PES1: variants seen among roughly 807,000 people sequenced by gnomAD.
PES1 encodes the protein pescadillo homolog.
A neutral mutation model predicts 77.1 loss-of-function variants in PES1; 31 were observed. The observed-to-expected ratio is 0.40, with a 90% CI of 0.30 to 0.54. PES1 has a LOEUF of 0.54. Ranked by LOEUF, PES1 falls within the 20% of genes least tolerant of loss-of-function variation. PES1 has a pLI of 0.45. For synonymous variants in PES1, 282 were observed against 303.0 expected (o/e 0.93, Z 0.72); for missense variants, 658 against 771.7 (o/e 0.85, Z 1.75).
In PES1 at chr22:30,598,912, T is replaced by TTTTTTTTTTTTTTTTTTTA. The variant is rs761643665; in HGVS notation, c.-660-6515_-660-6514insTAAAAAAAAAAAAAAAAAA. Among the ~76,000 whole-genome samples the TTTTTTTTTTTTTTTTTTTA allele has an allele frequency of 4.3e-5, 5 of 116,428 alleles. 1 individual carries two copies. The highest frequency in any genetic ancestry group is 8.7e-5 in the Non-Finnish European group (5 of 57,784). 76.4% of individuals were successfully genotyped at this position (116,428 alleles called of 152,430 possible). A position where few individuals can be genotyped will look rare whatever the true frequency, so the allele number is the denominator to read the frequency against. On this transcript the variant is annotated intron_variant, in intron 2 of 16. Coordinates refer to the PES1 transcript ENST00000402281. ...TTTTTTTTTTTTTTTTTTTTTTTTT[T>TTTTTTTTTTTTTTTTTTTA]TTGAGATGGAGTCCTGCTCTGTCAT...
rs1361185078 is a variant in PES1 at position 30,580,719 on chromosome 22, A to T, written c.913-18T>A. 6.2e-7 allele frequency: 1 copy of T among 1,612,458 alleles called. No homozygotes were observed. Among genetic ancestry groups the T allele is most frequent in the South Asian group, 1.1e-5 (1 of 91,076 alleles). On this transcript the variant is annotated intron_variant, in intron 9 of 14. Coordinates refer to ENST00000354694, the MANE Select transcript of PES1 (RefSeq NM_014303.4). The stretch of plus-strand genomic sequence containing the variant: ...GACATCTCCTGTTGAGAAAGGGGCC[A>T]GGCCTCGCACCACCAGGGCTGCCCA...
intron 4 of PES1, among the ~76,000 whole-genome samples, chr22:30,584,940 G>A (rs546621257): frequency 7.9e-5 from 12 of 152,268 alleles, no homozygotes; most frequent in South Asian, 2.1e-4. Context: ...GAGAAGTCCC[G>A]ATGGGGGTCC....
At chr22:30,592,191 G>A (rs969987299), upstream of PES1, 1 of 1,077,494 alleles carries the variant, frequency 9.3e-7, no homozygotes, top group African/African-American at 1.7e-5. Context: ...AGGGGCGGAA[G>A]GCTTAGGGAC....
intron 14 of PES1, among the ~76,000 whole-genome samples, chr22:30,577,469 A>G (rs1013766844): frequency 1.3e-5 from 2 of 152,218 alleles, no homozygotes; most frequent in African/African-American, 4.8e-5. Context: ...TACAACAGGA[A>G]GAACCTTCTT....
At chr22:30,578,036 A>G (rs2086928609) in intron 14 of PES1, among the ~76,000 whole-genome samples, 1 of 152,210 alleles carries the variant, frequency 6.6e-6, no homozygotes, top group Admixed American at 6.5e-5. Flanking sequence ...TAACCCCAAC[A>G]CTTTAGGAGG....
chr22:30,587,618 C>G (rs151028016), intron 3 of PES1, among the ~76,000 whole-genome samples: 1 of 152,300 alleles, frequency 6.6e-6, no homozygotes, highest in African/African-American at 2.4e-5. Flanking sequence ...ACCAGGCACC[C>G]TTTTTGACAA....
chr22:30,599,052 C>T (rs1043451617), intron 2 of PES1, among the ~76,000 whole-genome samples: 1 of 151,528 alleles, frequency 6.6e-6, no homozygotes, highest in East Asian at 1.9e-4. Flanking sequence ...CATGTGCCAC[C>T]ATGACCAGCT....
intron 10 of PES1, 32 bp from the exon 11 acceptor site, chr22:30,580,210 A>G (rs780714482): frequency 1.8e-5 from 29 of 1,590,336 alleles, no homozygotes; most frequent in Non-Finnish European, 2.5e-5. Context: ...ACACGGGTAC[A>G]CAGACATGAG....
rs1280572766 is a variant in PES1 at position 30,577,072 on chromosome 22, T to C, written c.1741A>G (p.Lys581Glu). ...AHDEAVRSEKKAKKARPE is the reference protein window; with the variant it reads ...AHDEAVRSEKEAKKARPE ...CACTCCGGCCTTGCCTTCTTGGCCT[T>C]CTTCTCAGACCTCACCGCCTCATCG... Residue 581 changes from lysine (K) to glutamate (E), a missense_variant, in exon 15 of 15, where the codon AAG (lysine) becomes GAG (glutamate). Physicochemically the swap from Lys to Glu is moderately conservative, Grantham distance 56 (BLOSUM62 1). Coordinates refer to ENST00000354694, the MANE Select transcript of PES1 (RefSeq NM_014303.4). 6.2e-7 allele frequency: 1 copy of C among 1,614,046 alleles called. No individual in the cohort carries two copies. The highest frequency in any genetic ancestry group is 1.7e-5 in the Admixed American group (1 of 60,032).
At chr22:30,601,798 A>T (rs2087358454) in intron 2 of PES1, 1 of 149,594 alleles carries the variant, frequency 6.7e-6, no homozygotes, top group Admixed American at 6.7e-5. Flanking sequence ...TTCCAGACAC[A>T]GTCTCGCTCT....
At chr22:30,584,768 G>C in intron 4 of PES1, 51 bp from the exon 5 acceptor site, 1 of 1,575,840 alleles carries the variant, frequency 6.3e-7, no homozygotes, top group Non-Finnish European at 8.7e-7. Context: ...TGGGTGCCAA[G>C]GGGGACCCTG....
At chr22:30,579,381 A>G in intron 12 of PES1, 78 bp from the exon 13 acceptor site, 1 of 1,591,070 alleles carries the variant, frequency 6.3e-7, no homozygotes, top group South Asian at 1.1e-5. Context: ...CCCAGGCCCC[A>G]TCCTCTCTGA....
intron 2 of PES1, among the ~76,000 whole-genome samples, chr22:30,598,920 G>A (rs1262855894): frequency 1.5e-4 from 1 of 6,452 alleles, no homozygotes; most frequent in Non-Finnish European, 2.9e-4. Flanking sequence ...TTTTTGAGAT[G>A]GAGTCCTGCT....
intron 14 of PES1, among the ~76,000 whole-genome samples, chr22:30,577,996 A>C (rs1039702006): frequency 6.6e-6 from 1 of 152,122 alleles, no homozygotes; most frequent in Admixed American, 6.5e-5. Context: ...GAAAATTACA[A>C]CTCAGGCTGG....
rs1344113779 is a variant in PES1 at position 30,606,671 on chromosome 22, TTGCCCAACTCCCCCCCCCCACCGAAC to T, written c.-718+112_-718+137del. The T allele has an allele frequency of 3.7e-5, 4 of 107,052 alleles. No homozygotes were observed. The East Asian group carries it at 8.9e-4, about 24-fold the overall frequency. The allele number at this position is 107,052 out of a possible 1,614,324, so 6.6% of individuals were successfully genotyped here. On this transcript the variant is annotated intron_variant, in intron 1 of 16. Transcript: ENST00000402281. ...CCAGCGGCACCCACCCTCCCCTCAA[TTGCCCAACTCCCCCCCCCCACCGAAC>T]TGCCCAACTCCCCCTCCCCAACTGC...
rs770425705 is a variant in PES1, at chr22:30,581,321, T to C, written c.822+13A>G. 1.2e-6 allele frequency: 2 copies of C among 1,612,894 alleles called. No individual in the cohort carries two copies. The highest frequency in any genetic ancestry group is 1.1e-5 in the South Asian group (1 of 91,054). ...CTTGGGAGATGCCGGATGATGCTCC[T>C]GGAGCCTCTCACCTCCATACAACTC... On this transcript the variant is annotated intron_variant, in intron 8 of 14. Coordinates refer to ENST00000354694, the MANE Select transcript of PES1 (RefSeq NM_014303.4).
chr22:30,596,586 G>A (rs1359571040), upstream of PES1, among the ~76,000 whole-genome samples: 1 of 152,022 alleles, frequency 6.6e-6, no homozygotes, highest in African/African-American at 2.4e-5. Flanking sequence ...TACCTATTAG[G>A]ATAAATAAAG....
chr22:30,578,992 T>C lies in PES1; in HGVS notation c.1528A>G (p.Arg510Gly). ...EEQRMEGKKP[R>G]VMAGTLKLED... ...AGCTTCAAGGTGCCTGCCATCACCCTGGGCTTCTGGGGACACAAGGAGGGT... is the reference window on the plus strand; with the variant it reads ...AGCTTCAAGGTGCCTGCCATCACCCCGGGCTTCTGGGGACACAAGGAGGGT... The change falls in exon 14 of 15, where the codon AGG becomes GGG. Residue 510 changes from arginine to glycine, a missense_variant. Transcript: ENST00000354694. The C allele has an allele frequency of 6.2e-7, 1 of 1,610,316 alleles. No individual in the cohort carries two copies. Among genetic ancestry groups the C allele is most frequent in the Non-Finnish European group, 8.5e-7 (1 of 1,179,992 alleles).
At chr22:30,599,793 G>C (rs948270562) in intron 2 of PES1, among the ~76,000 whole-genome samples, 3 of 152,108 alleles carry the variant, frequency 2.0e-5, no homozygotes, top group East Asian at 3.9e-4. Flanking sequence ...ACAGCTACTC[G>C]GGAGGCTGAG....
Sources: allele counts gnomAD v4.1 joint callset (sites outside exome capture counted in the v4.1 genomes callset), GRCh38; gene constraint gnomAD v4.1.1; transcripts MANE v1.5; gene names NCBI Gene and HGNC (gene_info 2026-07-23, HGNC 2026-07-21).